Variants in SIM2 observed in about 807,000 individuals in gnomAD.
SIM2 encodes the protein single-minded homolog 2.
In SIM2, 28 loss-of-function variants were observed where a neutral mutation model predicts 64.8. The ratio of observed to expected loss-of-function variants is 0.43; its 90% CI spans 0.32 to 0.59. The LOEUF is 0.59. Among genes scored for constraint, SIM2 ranks in the 20% least tolerant of loss-of-function variants. The pLI is 0.07. For synonymous variants in SIM2, 408 were observed against 391.1 expected (o/e 1.04, Z -0.51); for missense variants, 847 against 871.4 (o/e 0.97, Z 0.35).
rs1021002742 is a variant in SIM2, at chr21:36,748,442, C to T, written c.*350C>T. ...GGGGGATTGAAGCGGTTTCACTCCG[C>T]AAATATCCTCCACTTTCAGGAGGGA... On this transcript the variant is annotated 3_prime_UTR_variant, in exon 11 of 11. Transcript: ENST00000290399. 1 of 153,946 alleles carries T rather than the reference C, an allele frequency of 6.5e-6. No individual in the cohort carries two copies. Among genetic ancestry groups the T allele is most frequent in the Non-Finnish European group, 1.4e-5 (1 of 69,158 alleles). The allele number at this position is 153,946 out of a possible 1,614,324, so 9.5% of individuals were successfully genotyped here.
At chr21:36,700,032 G>A in intron 1 of SIM2, 111 bp downstream of exon 1, 1 of 1,174,574 alleles carries the variant, frequency 8.5e-7, no homozygotes, top group Non-Finnish European at 1.2e-6. Context: ...GGCGTCCAGA[G>A]CTGGGGCGTC....
chr21:36,729,222 C>T (rs567390519), intron 6 of SIM2, among the ~76,000 whole-genome samples: 152 of 152,286 alleles, frequency 1.0e-3, no homozygotes, highest in African/African-American at 3.4e-3. Context: ...CATCCCCACA[C>T]GGTAGAGATG....
At chr21:36,728,727 C>A (rs2088926913) in intron 6 of SIM2, among the ~76,000 whole-genome samples, 1 of 152,198 alleles carries the variant, frequency 6.6e-6, no homozygotes, top group South Asian at 2.1e-4. Flanking sequence ...GCTGGCCCAG[C>A]CCTGGGAGGA....
In SIM2 at chr21:36,741,787, G is replaced by A. The variant is rs1404378737; in HGVS notation, c.921G>A (p.Val307=). The A allele has an allele frequency of 2.5e-6, 4 of 1,612,656 alleles. No homozygotes were observed. In the South Asian group the frequency reaches 3.3e-5, roughly 13 times the overall value. The change falls in exon 8 of 11, where the codon GTG becomes GTA. Residue 307 remains valine, a synonymous_variant. Coordinates refer to ENST00000290399, the MANE Select transcript of SIM2 (RefSeq NM_005069.6). ...CCAAGCGGGGCGGCTGGGTGTGGGTGCAGAGCTACGCCACCGTGGTGCACA... is the reference window on the plus strand; with the variant it reads ...CCAAGCGGGGCGGCTGGGTGTGGGTACAGAGCTACGCCACCGTGGTGCACA... ...LLSKRGGWVW[V]QSYATVVHNS...
intron 7 of SIM2, among the ~76,000 whole-genome samples, chr21:36,735,184 G>A (rs1311178413): frequency 6.6e-6 from 1 of 152,136 alleles, no homozygotes; most frequent in African/African-American, 2.4e-5. Flanking sequence ...CTCTCAGGGG[G>A]CCTTGATTGC....
intron 7 of SIM2, among the ~76,000 whole-genome samples, chr21:36,732,889 A>G (rs1224515765): frequency 1.3e-5 from 2 of 152,182 alleles, no homozygotes; most frequent in Admixed American, 1.3e-4. Context: ...GGGGCTCTGC[A>G]GTAGCAAGAG....
chr21:36,709,648 C>T, intron 2 of SIM2: 1 of 364,856 alleles, frequency 2.7e-6, no homozygotes, highest in South Asian at 2.1e-5. Flanking sequence ...AGCTCTGAAG[C>T]ATTCGGCCGC....
chr21:36,703,756 C>T (rs113424925), intron 1 of SIM2, among the ~76,000 whole-genome samples: 2,225 of 152,356 alleles, frequency 0.015, 62 homozygotes, highest in African/African-American at 0.051. Flanking sequence ...CAGCCCTCCC[C>T]AAAGTGTGGC....
rs1017977802 is a variant in SIM2 at position 36,721,430 on chromosome 21, G to A, written c.457+1501G>A. 3.9e-5 allele frequency among the ~76,000 whole-genome samples: 6 copies of A among 152,090 alleles called. No individual in the cohort carries two copies. In the East Asian group the frequency reaches 5.8e-4, roughly 15 times the overall value. On this transcript the variant is annotated intron_variant, in intron 4 of 10. Transcript: ENST00000290399. ...ACTGTTTTTGAAAATTGCACAGTAC[G>A]GTTTTTTGTTTTGTTTTGTTTTTTG... is the stretch of plus-strand genomic sequence containing the variant.
intron 7 of SIM2, among the ~76,000 whole-genome samples, chr21:36,735,185 C>G (rs1355012918): frequency 6.6e-6 from 1 of 152,132 alleles, no homozygotes; most frequent in African/African-American, 2.4e-5. Context: ...TCTCAGGGGG[C>G]CTTGATTGCC....
chr21:36,711,517 A>G (rs1205750808), intron 2 of SIM2, among the ~76,000 whole-genome samples: 2 of 152,244 alleles, frequency 1.3e-5, no homozygotes, highest in Non-Finnish European at 2.9e-5. Flanking sequence ...ATCTTTCAAG[A>G]TTCACTTATA....
rs1206226416 is a variant in SIM2 at position 36,747,841 on chromosome 21, A to G, written c.1753A>G (p.Thr585Ala). 2 of 1,033,992 alleles carry G rather than the reference A, an allele frequency of 1.9e-6. No homozygotes were observed. Among genetic ancestry groups the G allele is most frequent in the African/African-American group, 1.8e-5 (1 of 56,562 alleles). 64.1% of individuals were successfully genotyped at this position (1,033,992 alleles called of 1,614,324 possible). A position where few individuals can be genotyped will look rare whatever the true frequency, so the allele number is the denominator to read the frequency against. ...GGCACCCGAGTGCTGCGCGCCCCCG[A>G]CCCCCGAGGCCCCGGGCGCGCCGGC... ...RAAPECCAPP[T>A]PEAPGAPAQL... Residue 585 changes from threonine (T) to alanine (A), a missense_variant, in exon 11 of 11, where the codon ACC becomes GCC. Physicochemically the swap from Thr to Ala is moderately conservative, Grantham distance 58. Around this residue, in one of 3 missense-constraint regions of SIM2, gnomAD observed 447 missense variants for 414.6 expected, o/e 1.08. Coordinates refer to ENST00000290399, the MANE Select transcript of SIM2 (RefSeq NM_005069.6). The surrounding 1 kb of genome is among the most constrained non-coding windows in gnomAD (Gnocchi z 4.5).
chr21:36,699,844 T>G lies in SIM2; in HGVS notation c.98T>G (p.Ile33Ser), dbSNP rs1157467468. ...LAKLLPLPSA[I>S]TSQLDKASII... ...AAGCTGCTCCCGCTGCCGTCGGCCA[T>G]CACTTCGCAGCTGGACAAAGCGTCC... Residue 33 changes from isoleucine (I) to serine (S), a missense_variant, in exon 1 of 11, where the codon ATC (isoleucine) becomes AGC (serine). Around this residue, in one of 3 missense-constraint regions of SIM2, gnomAD observed 397 missense variants for 439.2 expected, o/e 0.90. Coordinates refer to ENST00000290399, the MANE Select transcript of SIM2 (RefSeq NM_005069.6). The surrounding 1 kb of genome is among the most constrained non-coding windows in gnomAD (Gnocchi z 5.6). 1.2e-6 allele frequency: 2 copies of G among 1,610,780 alleles called. No individual in the cohort carries two copies. The highest frequency in any genetic ancestry group is 1.7e-6 in the Non-Finnish European group (2 of 1,178,632).
At position 36,726,427 on chromosome 21, in the gene SIM2, A is replaced by C; in HGVS notation, c.743+109A>C. On this transcript the variant is annotated intron_variant, in intron 6 of 10. Coordinates refer to ENST00000290399, the MANE Select transcript of SIM2 (RefSeq NM_005069.6). This position sits in a 1 kb window ranked among gnomAD's most constrained non-coding sequence, Gnocchi z 4.5. ...GCCAAATCATAACAAGGAATAAGTC[A>C]TAATAGGAATGTGGATTAAGCAAAA... is the stretch of plus-strand genomic sequence containing the variant. 1.0e-6 allele frequency: 1 copy of C among 954,816 alleles called. No homozygotes were observed. Among genetic ancestry groups the C allele is most frequent in the East Asian group, 2.6e-5 (1 of 37,836 alleles). 59.1% of individuals were successfully genotyped at this position (954,816 alleles called of 1,614,324 possible).
At chr21:36,711,922 C>G (rs2088681736) in intron 2 of SIM2, among the ~76,000 whole-genome samples, 1 of 152,158 alleles carries the variant, frequency 6.6e-6, no homozygotes. Context: ...GAAGTTGATA[C>G]TTTTCCTCCT....
chr21:36,703,256 G>A (rs916418531), intron 1 of SIM2, among the ~76,000 whole-genome samples: 1 of 152,178 alleles, frequency 6.6e-6, no homozygotes, highest in Admixed American at 6.5e-5. Context: ...CACCCCACTT[G>A]GTAGCCAGTT....
In SIM2 at chr21:36,718,937, G is replaced by T. The variant is rs2088781881; in HGVS notation, c.349-884G>T. Among the ~76,000 whole-genome samples the T allele has an allele frequency of 2.6e-5, 4 of 152,304 alleles. 1 individual carries two copies. In the South Asian group the frequency reaches 8.3e-4, roughly 32 times the overall value. On this transcript the variant is annotated intron_variant, in intron 3 of 10. Transcript: ENST00000290399. Reference sequence around the variant, plus strand: ...GAAAGATTCTCAAGTTCGGGAATTTGGGCCTCCAGGGACCTCTGTGTAAAA... The same window carrying T: ...GAAAGATTCTCAAGTTCGGGAATTTTGGCCTCCAGGGACCTCTGTGTAAAA...
rs1373667964 is a variant in SIM2 at position 36,736,885 on chromosome 21, TTTTCTTTTTC to T, written c.851-4817_851-4808del. Among the ~76,000 whole-genome samples, 21 of 149,472 alleles carry T rather than the reference TTTTCTTTTTC, an allele frequency of 1.4e-4. No individual in the cohort carries two copies. The East Asian group carries it at 1.6e-3, about 11-fold the overall frequency. On this transcript the variant is annotated intron_variant, in intron 7 of 10. Transcript: ENST00000290399. ...TTTTCTTTCTTTCTTTCTTCCTTCC[TTTTCTTTTTC>T]TTTCTTTTTCTTTCGTTCTTTCTCT...
intron 7 of SIM2, among the ~76,000 whole-genome samples, chr21:36,738,869 G>C (rs2089113867): frequency 6.6e-6 from 1 of 152,256 alleles, no homozygotes; most frequent in Non-Finnish European, 1.5e-5. Flanking sequence ...AGATGCAGAT[G>C]TTAAGCCTGG....
Sources: allele counts gnomAD v4.1 joint callset (sites outside exome capture counted in the v4.1 genomes callset), GRCh38; gene constraint gnomAD v4.1.1; regional missense constraint gnomAD v4.1.1; non-coding constraint Gnocchi (gnomAD v3.1); transcripts MANE v1.5; gene names NCBI Gene and HGNC (gene_info 2026-07-23, HGNC 2026-07-21).